SYTL5: variants seen among roughly 807,000 people sequenced by gnomAD.
The protein encoded by SYTL5 is synaptotagmin like 5.
A neutral mutation model predicts 55.9 loss-of-function variants in SYTL5; 34 were observed. That is an observed-to-expected ratio of 0.61 (90% CI 0.46 to 0.81). SYTL5 has a LOEUF of 0.81. Ranked by LOEUF, SYTL5 falls within the 30% of genes least tolerant of loss-of-function variation. The pLI is 0.00. For synonymous variants in SYTL5, 221 were observed against 188.7 expected, an observed-to-expected ratio of 1.17 and a Z score of -1.40; for missense variants, 637 against 546.7, an observed-to-expected ratio of 1.17 and a Z score of -1.65.
intron 13 of SYTL5, among the ~76,000 whole-genome samples, chrX:38,114,215 T>G (rs1355037079): frequency 8.9e-6 from 1 of 111,773 alleles, no homozygotes; most frequent in African/African-American, 3.3e-5. Flanking sequence ...AAACATATTC[T>G]ACACAACCCC....
At chrX:37,915,685 A>G in the SYTL5 span, among the ~76,000 whole-genome samples, 2 of 111,904 alleles carry the variant, frequency 1.8e-5, no homozygotes, top group Admixed American at 1.9e-4. Flanking sequence ...TTTGTTGCTT[A>G]CATTCATACT....
intron 1 of SYTL5, among the ~76,000 whole-genome samples, chrX:38,012,562 A>C (rs748567273): frequency 9.8e-5 from 11 of 111,978 alleles, no homozygotes; most frequent in Admixed American, 5.7e-4. Flanking sequence ...TCTGGATTAT[A>C]AAAACGAAAG....
chrX:38,047,926 C>T (rs1935511228), intron 2 of SYTL5, among the ~76,000 whole-genome samples: 1 of 111,323 alleles, frequency 9.0e-6, no homozygotes, highest in Non-Finnish European at 1.9e-5. Flanking sequence ...GTGGCTCATG[C>T]CTGTAATCCC....
At chrX:37,909,115 C>T in the SYTL5 span, among the ~76,000 whole-genome samples, 3 of 106,270 alleles carry the variant, frequency 2.8e-5, 1 homozygote, top group Admixed American at 3.0e-4. Context: ...CTGCCCCCCT[C>T]CCCCACACAC....
chrX:37,943,008 G>T, the SYTL5 span, among the ~76,000 whole-genome samples: 1 of 111,332 alleles, frequency 9.0e-6, no homozygotes, highest in Non-Finnish European at 1.9e-5. Context: ...TTGAGCAAGG[G>T]TCCTCACATT....
At chrX:38,062,054 G>A (rs1222137903) in intron 3 of SYTL5, among the ~76,000 whole-genome samples, 2 of 110,101 alleles carry the variant, frequency 1.8e-5, no homozygotes, top group Non-Finnish European at 3.8e-5. Context: ...TACAGCCTCT[G>A]CCTCCCAGGT....
chrX:38,061,575 C>T (rs1180327708), intron 3 of SYTL5, among the ~76,000 whole-genome samples: 2 of 111,326 alleles, frequency 1.8e-5, no homozygotes, highest in Non-Finnish European at 3.8e-5. Flanking sequence ...TTGTCATTTA[C>T]TTTGGATTGG....
intron 2 of SYTL5, among the ~76,000 whole-genome samples, chrX:38,036,557 G>A (rs1052433330): frequency 2.7e-5 from 3 of 111,533 alleles, no homozygotes; most frequent in South Asian, 3.7e-4. Context: ...CTAAAGCTAC[G>A]TCTTGTCTCC....
chrX:38,032,340 C>T (rs1210631059), intron 1 of SYTL5, among the ~76,000 whole-genome samples: 1 of 111,769 alleles, frequency 8.9e-6, no homozygotes, highest in Non-Finnish European at 1.9e-5. Flanking sequence ...ATCCAGGTAA[C>T]AAACCAATGA....
At chrX:37,936,242 C>T in the SYTL5 span, among the ~76,000 whole-genome samples, 1 of 111,989 alleles carries the variant, frequency 8.9e-6, no homozygotes, top group African/African-American at 3.2e-5. Context: ...GACAGAAAAA[C>T]GTATGTGATG....
At chrX:37,919,860 G>T in the SYTL5 span, among the ~76,000 whole-genome samples, 1 of 112,198 alleles carries the variant, frequency 8.9e-6, no homozygotes, top group African/African-American at 3.2e-5. Flanking sequence ...GCACGGAAAA[G>T]AATTACATTT....
At chrX:38,106,410 T>A (rs1478778593) in intron 10 of SYTL5, among the ~76,000 whole-genome samples, 183 bp from the exon 11 acceptor site, 1 of 112,061 alleles carries the variant, frequency 8.9e-6, no homozygotes, top group African/African-American at 3.2e-5. Flanking sequence ...AGATCTGCTG[T>A]CTTTTCTCCA....
At chrX:37,939,122 G>T in the SYTL5 span, among the ~76,000 whole-genome samples, 66 of 109,596 alleles carry the variant, frequency 6.0e-4, 1 homozygote, top group Admixed American at 5.5e-3. Flanking sequence ...CTAGCTGGGC[G>T]TGGTGGCAGG....
chrX:38,111,499 G>A lies in SYTL5; in HGVS notation c.1596+1017G>A, dbSNP rs572211482. ...TAATACTGCTCAAAAAATAGAGGGA[G>A]ATTATTGGCCAGCAGTGATTAGGCA... On this transcript the variant is annotated intron_variant, in intron 13 of 16. Coordinates refer to ENST00000297875, the MANE Select transcript of SYTL5 (RefSeq NM_138780.3). Among the ~76,000 whole-genome samples, 122 of 111,955 alleles carry A rather than the reference G, an allele frequency of 1.1e-3. 1 individual carries two copies. The highest frequency in any genetic ancestry group is 4.6e-3 in the Middle Eastern group (1 of 219).
intron 13 of SYTL5, among the ~76,000 whole-genome samples, chrX:38,115,483 CAAAAAAAAAA>C (rs772227891): frequency 1.7e-4 from 3 of 17,464 alleles, no homozygotes; most frequent in South Asian, 4.5e-3. Flanking sequence ...GACTCCGTCT[CAAAAAAAAAA>C]AAAAAAAAAA....
At chrX:37,899,634 C>T in the SYTL5 span, among the ~76,000 whole-genome samples, 65 of 112,154 alleles carry the variant, frequency 5.8e-4, no homozygotes, top group Non-Finnish European at 1.0e-3. Flanking sequence ...CATCCTCTCT[C>T]CCTATTTCAT....
At chrX:37,955,468 A>G in the SYTL5 span, among the ~76,000 whole-genome samples, 1 of 112,236 alleles carries the variant, frequency 8.9e-6, no homozygotes, top group Non-Finnish European at 1.9e-5. Flanking sequence ...AAAATGAGTG[A>G]GGTAAAAGAC....
chrX:38,017,763 G>A (rs1743348641), intron 1 of SYTL5, among the ~76,000 whole-genome samples: 2 of 108,279 alleles, frequency 1.8e-5, no homozygotes, highest in Non-Finnish European at 3.8e-5. Flanking sequence ...TTTTGACAAA[G>A]AGCTTATATA....
the SYTL5 span, among the ~76,000 whole-genome samples, chrX:37,973,587 A>G: frequency 0.17 from 18,988 of 109,898 alleles, 2,632 homozygotes; most frequent in African/African-American, 0.46. Flanking sequence ...AAAAACAGCA[A>G]CCCACATACC....
Sources: gnomAD v4.1 joint callset for allele counts (sites outside exome capture counted in the v4.1 genomes callset) on GRCh38, gnomAD v4.1.1 for gene constraint, MANE v1.5 for transcripts, NCBI Gene and HGNC (gene_info 2026-07-23, HGNC 2026-07-21) for gene names.